The following DNAH12 variants were observed in gnomAD, a reference collection of about 807,000 sequenced individuals.
DNAH12 encodes dynein axonemal heavy chain 12.
Under a neutral mutation model 371.5 loss-of-function variants are expected in DNAH12, and 285 were observed. The observed-to-expected ratio is 0.77, with a 90% CI of 0.70 to 0.85. The LOEUF (loss-of-function observed/expected upper bound fraction) is 0.85. Among genes scored for constraint, DNAH12 ranks in the 40% least tolerant of loss-of-function variants. DNAH12 has a pLI of 0.00. For missense variants in DNAH12, 3,611 were observed against 3,689.4 expected (o/e 0.98, Z 0.55); for synonymous variants, 1,200 against 1,213.0 (o/e 0.99, Z 0.22).
the DNAH12 span, among the ~76,000 whole-genome samples, chr3:57,550,788 G>T: frequency 5.3e-5 from 8 of 151,742 alleles, no homozygotes; most frequent in Non-Finnish European, 1.2e-4. Context: ...CTCCCAAAGT[G>T]CCATATATTT....
chr3:57,476,359 T>C (rs1393726562), intron 13 of DNAH12, among the ~76,000 whole-genome samples: 1 of 151,600 alleles, frequency 6.6e-6, no homozygotes, highest in Non-Finnish European at 1.5e-5. Flanking sequence ...AAGTCAGGAG[T>C]TCGAGACCAG....
At chr3:57,425,725 T>C (rs1559644865) in intron 34 of DNAH12, among the ~76,000 whole-genome samples, 1 of 152,160 alleles carries the variant, frequency 6.6e-6, no homozygotes. Flanking sequence ...AAATGAAAAC[T>C]AGCTACTGCA....
chr3:57,446,646 G>A lies in DNAH12; in HGVS notation c.3830C>T (p.Pro1277Leu). ...YLNLGGAPEG[P>L]AGTGKTETTK... Reference sequence around the variant, plus strand: ...GGTTTCGGTTTTTCCTGTGCCTGCTGGCCCCTCTGGAGCACCTCCAAGGTT... The same window carrying A: ...GGTTTCGGTTTTTCCTGTGCCTGCTAGCCCCTCTGGAGCACCTCCAAGGTT... The change falls in exon 26 of 74, where the codon CCA (proline) becomes CTA (leucine). Residue 1277 changes from proline (P) to leucine (L), a missense_variant. This residue lies in a region of DNAH12 where 2,266 missense variants were observed against 2,236.9 expected (regional missense o/e 1.01). Coordinates refer to ENST00000495027, the MANE Select transcript of DNAH12 (RefSeq NM_001366028.2). The A allele has an allele frequency of 6.5e-7, 1 of 1,548,686 alleles. No individual in the cohort carries two copies. Among genetic ancestry groups the A allele is most frequent in the Non-Finnish European group, 8.7e-7 (1 of 1,145,446 alleles).
In DNAH12 at chr3:57,334,470, C is replaced by A; in HGVS notation, c.9973G>T (p.Asp3325Tyr). ...AGAACACATTGGTCTTTTACCTTAT[C>A]AGGTCTTAAACACCGAAGAATTATT... is the stretch of plus-strand genomic sequence containing the variant. Reference protein sequence around the residue: ...KIIILRCLRPDKITPAITNYV... With the variant: ...KIIILRCLRPYKITPAITNYV... Residue 3325 changes from aspartate (D) to tyrosine (Y), a missense_variant, in exon 62 of 74, where the codon GAT (aspartate) becomes TAT (tyrosine). Asp to Tyr is a radical substitution (Grantham distance 160). This residue lies in a region of DNAH12 where 2,266 missense variants were observed against 2,236.9 expected (regional missense o/e 1.01). Coordinates refer to ENST00000495027, the MANE Select transcript of DNAH12 (RefSeq NM_001366028.2). 1 of 1,545,536 alleles carries A rather than the reference C, an allele frequency of 6.5e-7. No homozygotes were observed.
At chr3:57,345,070 A>G (rs1451167827) in intron 60 of DNAH12, among the ~76,000 whole-genome samples, 1 of 152,152 alleles carries the variant, frequency 6.6e-6, no homozygotes, top group Non-Finnish European at 1.5e-5. Context: ...TATATACTAT[A>G]TTCTTACAAT....
chr3:57,480,639 T>A (rs76609644), intron 13 of DNAH12, among the ~76,000 whole-genome samples: 2,028 of 151,960 alleles, frequency 0.013, 16 homozygotes, highest in Non-Finnish European at 0.02. Context: ...TAGACCAATA[T>A]CCCTGATGAA....
At chr3:57,444,283 A>T (rs1027369580) in intron 29 of DNAH12, among the ~76,000 whole-genome samples, 12 of 151,556 alleles carry the variant, frequency 7.9e-5, no homozygotes, top group African/African-American at 2.7e-4. Flanking sequence ...TTTAATTTTT[A>T]TTTTTTTTGA....
At chr3:57,548,269 A>G (rs1482138506), upstream of DNAH12, among the ~76,000 whole-genome samples, 1 of 152,208 alleles carries the variant, frequency 6.6e-6, no homozygotes, top group African/African-American at 2.4e-5. Flanking sequence ...TTACATATCA[A>G]ATAAGCCTAA....
At chr3:57,491,081 C>CAAA (rs553885449) in intron 11 of DNAH12, among the ~76,000 whole-genome samples, 64 of 70,018 alleles carry the variant, frequency 9.1e-4, no homozygotes, top group East Asian at 1.8e-3. Context: ...GACTCTATCT[C>CAAA]AAAAAAAAAA....
At position 57,391,914 on chromosome 3, in the gene DNAH12, C is replaced by G. The variant is rs935259481; in HGVS notation, c.7263G>C (p.Gln2421His). 1.3e-5 allele frequency: 2 copies of G among 152,984 alleles called. No individual in the cohort carries two copies. The highest frequency in any genetic ancestry group is 2.4e-5 in the African/African-American group (1 of 41,464). 9.5% of individuals were successfully genotyped at this position (152,984 alleles called of 1,614,324 possible). ...IGDAFRNRLR[Q>H]FPSLINCCTI... Reference sequence around the variant, plus strand: ...TACAGCAATTGATGAGGGATGGGAACTGTCTCAAGCGATTTCGAAAGGCAT... The same window carrying G: ...TACAGCAATTGATGAGGGATGGGAAGTGTCTCAAGCGATTTCGAAAGGCAT... Residue 2421 changes from glutamine (Q) to histidine (H), a missense_variant, in exon 45 of 74, where the codon CAG (glutamine) becomes CAC (histidine). Physicochemically the swap from Gln to His is conservative, Grantham distance 24. This residue lies in a region of DNAH12 where 2,266 missense variants were observed against 2,236.9 expected (regional missense o/e 1.01). Coordinates refer to ENST00000495027, the MANE Select transcript of DNAH12 (RefSeq NM_001366028.2).
At chr3:57,428,451 G>T in intron 34 of DNAH12, 182 bp downstream of exon 34, 1 of 1,530,456 alleles carries the variant, frequency 6.5e-7, no homozygotes, top group South Asian at 1.3e-5. Flanking sequence ...AGTTTAGCTG[G>T]AATAATTCAA....
intron 50 of DNAH12, among the ~76,000 whole-genome samples, chr3:57,381,553 A>G (rs2063390796): frequency 6.6e-6 from 1 of 152,126 alleles, no homozygotes; most frequent in South Asian, 2.1e-4. Context: ...GTATTAACTA[A>G]TCTAATTCTC....
chr3:57,345,193 C>T (rs1163486689), intron 60 of DNAH12, among the ~76,000 whole-genome samples: 1 of 152,216 alleles, frequency 6.6e-6, no homozygotes, highest in Non-Finnish European at 1.5e-5. Flanking sequence ...GATGAAATGT[C>T]TGTCTGAAAT....
At chr3:57,501,798 T>G (rs2067556618) in intron 10 of DNAH12, among the ~76,000 whole-genome samples, 1 of 152,202 alleles carries the variant, frequency 6.6e-6, no homozygotes, top group South Asian at 2.1e-4. Flanking sequence ...ACTACCTTGC[T>G]TTTACCCTTG....
At chr3:57,498,385 T>C (rs2153388576) in intron 11 of DNAH12, 1 of 667,460 alleles carries the variant, frequency 1.5e-6, no homozygotes, top group Admixed American at 2.3e-5. Context: ...GGCATGATCA[T>C]AACTCACTGC....
At chr3:57,303,675 G>T (rs1201022664) in intron 69 of DNAH12, among the ~76,000 whole-genome samples, 1 of 152,100 alleles carries the variant, frequency 6.6e-6, no homozygotes, top group Non-Finnish European at 1.5e-5. Flanking sequence ...AAGTGTTGGG[G>T]TTATAGTATG....
At chr3:57,543,315 GTTTTTTTT>G (rs5849214) in intron 1 of DNAH12, among the ~76,000 whole-genome samples, 16 of 70,288 alleles carry the variant, frequency 2.3e-4, no homozygotes, top group East Asian at 4.1e-4. Context: ...ATCATTAATG[GTTTTTTTT>G]TTTTTTTTTT....
chr3:57,527,492 T>C (rs1187722912), intron 2 of DNAH12, among the ~76,000 whole-genome samples: 2 of 152,038 alleles, frequency 1.3e-5, no homozygotes, highest in South Asian at 2.1e-4. Context: ...ATAATCATGG[T>C]GGAAGGTGAA....
chr3:57,317,729 TTTTTGAGAGTCTC>T (rs2061717479), intron 65 of DNAH12, among the ~76,000 whole-genome samples: 1 of 152,184 alleles, frequency 6.6e-6, no homozygotes, highest in Non-Finnish European at 1.5e-5. Flanking sequence ...TGTTTTTAAT[TTTTTGAGAGTCTC>T]CATACTGTTT....
Sources: gnomAD v4.1 joint callset for allele counts (sites outside exome capture counted in the v4.1 genomes callset) on GRCh38, gnomAD v4.1.1 for gene constraint, gnomAD v4.1.1 regional missense constraint, MANE v1.5 for transcripts, NCBI Gene and HGNC (gene_info 2026-07-23, HGNC 2026-07-21) for gene names.